STK3: variants seen among roughly 807,000 people sequenced by gnomAD.
The protein encoded by STK3 is serine/threonine-protein kinase 3.
Under a neutral mutation model 58.0 loss-of-function variants are expected in STK3, and 41 were observed. The ratio of observed to expected loss-of-function variants is 0.71; its 90% confidence interval spans 0.55 to 0.92. The LOEUF (loss-of-function observed/expected upper bound fraction) is 0.92. Among genes scored for constraint, STK3 ranks in the 40% least tolerant of loss-of-function variants. The pLI, the probability that STK3 is intolerant of heterozygous loss-of-function variation, is 0.00. For synonymous variants in STK3, 170 were observed against 191.0 expected, an observed-to-expected ratio of 0.89 and a Z score of 0.91; for missense variants, 479 against 602.7, an observed-to-expected ratio of 0.79 and a Z score of 2.15.
chr8:98,697,852 GGA>G (rs1825127101), intron 6 of STK3, among the ~76,000 whole-genome samples: 1 of 152,160 alleles, frequency 6.6e-6, no homozygotes, highest in African/African-American at 2.4e-5. Context: ...GATTTGGGGT[GGA>G]GAGTTCTGTA....
At chr8:98,417,614 G>C (rs1490737356) in intron 3 of STK3, among the ~76,000 whole-genome samples, 1 of 152,160 alleles carries the variant, frequency 6.6e-6, no homozygotes, top group East Asian at 1.9e-4. Context: ...CTGTAACTGT[G>C]AACACGGTAC....
chr8:98,811,967 A>G (rs567870552), intron 1 of STK3, among the ~76,000 whole-genome samples: 2 of 152,212 alleles, frequency 1.3e-5, no homozygotes, highest in African/African-American at 4.8e-5. Flanking sequence ...GGGACACCAT[A>G]CCCAGCTAAT....
At chr8:98,545,460 C>T (rs1810626489) in intron 9 of STK3, among the ~76,000 whole-genome samples, 1 of 152,128 alleles carries the variant, frequency 6.6e-6, no homozygotes, top group Non-Finnish European at 1.5e-5. Flanking sequence ...GGGTCCACGT[C>T]CATTTTTTAA....
intron 6 of STK3, among the ~76,000 whole-genome samples, chr8:98,674,487 G>T (rs1042238025): frequency 1.3e-5 from 2 of 152,094 alleles, no homozygotes; most frequent in Non-Finnish European, 2.9e-5. Flanking sequence ...CATAGGGCTA[G>T]ATTTGTGGAT....
chr8:98,429,182 G>T (rs759288243), intron 3 of STK3: 1 of 1,613,832 alleles, frequency 6.2e-7, no homozygotes, highest in South Asian at 1.1e-5. Flanking sequence ...GCATCCTCGT[G>T]GTGGTCCTGC....
intron 4 of STK3, among the ~76,000 whole-genome samples, chr8:98,729,547 C>T (rs560858228): frequency 4.6e-5 from 7 of 152,256 alleles, no homozygotes; most frequent in Middle Eastern, 3.4e-3. Context: ...AGATTCTATC[C>T]TTGGTTCTAT....
At chr8:98,532,401 T>C (rs1202445738) in intron 9 of STK3, among the ~76,000 whole-genome samples, 2 of 152,176 alleles carry the variant, frequency 1.3e-5, no homozygotes, top group Admixed American at 6.5e-5. Flanking sequence ...CCATCTTATA[T>C]AGGCGCAGTT....
intron 3 of STK3, among the ~76,000 whole-genome samples, chr8:98,872,302 C>T (rs1358692066): frequency 6.6e-6 from 1 of 152,064 alleles, no homozygotes; most frequent in African/African-American, 2.4e-5. Context: ...GTATAAAATT[C>T]TCTTTTTTTG....
At chr8:98,386,527 T>C (rs1817793469) in intron 1 of STK3, among the ~76,000 whole-genome samples, 1 of 152,174 alleles carries the variant, frequency 6.6e-6, no homozygotes. Flanking sequence ...GTGAGATTAT[T>C]AGATTATATA....
At chr8:98,520,945 T>C (rs2131453119) in intron 10 of STK3, among the ~76,000 whole-genome samples, 1 of 152,258 alleles carries the variant, frequency 6.6e-6, no homozygotes, top group East Asian at 1.9e-4. Flanking sequence ...ATTCTCTCTT[T>C]GCCCCTCTTA....
At chr8:98,429,672 T>C in intron 3 of STK3, 1 of 481,360 alleles carries the variant, frequency 2.1e-6, no homozygotes, top group East Asian at 3.3e-5. Context: ...ATGTTCACCT[T>C]TTTGCCAGAT....
At chr8:98,675,676 C>T (rs917469000) in intron 6 of STK3, among the ~76,000 whole-genome samples, 1 of 151,962 alleles carries the variant, frequency 6.6e-6, no homozygotes, top group Non-Finnish European at 1.5e-5. Flanking sequence ...TCCTGGCCAA[C>T]ACGGTGAAAC....
At chr8:98,792,463 G>A (rs1230976179) in intron 1 of STK3, among the ~76,000 whole-genome samples, 5 of 152,194 alleles carry the variant, frequency 3.3e-5, no homozygotes, top group African/African-American at 7.2e-5. Context: ...TTGGGAGGCC[G>A]AGGTGGGCAG....
intron 6 of STK3, among the ~76,000 whole-genome samples, chr8:98,666,800 T>C (rs1173365042): frequency 6.6e-6 from 1 of 152,130 alleles, no homozygotes; most frequent in Non-Finnish European, 1.5e-5. Flanking sequence ...CTAAAAAAGA[T>C]AGAATAATGA....
At chr8:98,375,266 A>AC in intron 2 of STK3, among the ~76,000 whole-genome samples, 1 of 77,094 alleles carries the variant, frequency 1.3e-5, no homozygotes, top group African/African-American at 4.9e-5. Context: ...AAAACAAAAA[A>AC]AAAACAAAAA....
chr8:98,472,251 C>T (rs1387518094), intron 10 of STK3, among the ~76,000 whole-genome samples: 1 of 151,842 alleles, frequency 6.6e-6, no homozygotes, highest in Non-Finnish European at 1.5e-5. Context: ...AGTTTACTGC[C>T]CATAATAAAT....
At chr8:98,785,755 G>T (rs1832427939) in intron 1 of STK3, among the ~76,000 whole-genome samples, 1 of 151,972 alleles carries the variant, frequency 6.6e-6, no homozygotes, top group South Asian at 2.1e-4. Context: ...AAGTGCATAG[G>T]ACTATAAAAA....
At chr8:98,696,017 G>A (rs1294820650) in intron 6 of STK3, among the ~76,000 whole-genome samples, 1 of 151,860 alleles carries the variant, frequency 6.6e-6, no homozygotes, top group Non-Finnish European at 1.5e-5. Context: ...TCTTCCATTT[G>A]TTTGTATCCT....
At chr8:98,842,634 C>T (rs2131812588) in intron 3 of STK3, among the ~76,000 whole-genome samples, 1 of 152,258 alleles carries the variant, frequency 6.6e-6, no homozygotes, top group South Asian at 2.1e-4. Flanking sequence ...GCCTTGATCA[C>T]ACCATTGCAC....
Sources: allele counts gnomAD v4.1 joint callset (sites outside exome capture counted in the v4.1 genomes callset), GRCh38; gene constraint gnomAD v4.1.1; transcripts MANE v1.5; gene names NCBI Gene and HGNC (gene_info 2026-07-23, HGNC 2026-07-21).